HSD17B12: variants seen among roughly 807,000 people sequenced by gnomAD.
HSD17B12 encodes the protein hydroxysteroid 17-beta dehydrogenase 12, also known as very-long-chain 3-oxoacyl-CoA reductase.
In HSD17B12, 32 loss-of-function variants were observed where a neutral mutation model predicts 39.3. The ratio of observed to expected loss-of-function variants is 0.81; its 90% CI spans 0.61 to 1.09. The LOEUF (loss-of-function observed/expected upper bound fraction) is 1.09, where lower values mean the gene tolerates loss of function less well. HSD17B12 is among the 50% of genes least tolerant of loss of function. HSD17B12 has a pLI of 0.00. For missense variants in HSD17B12, 342 were observed against 382.9 expected (o/e 0.89, Z 0.89); for synonymous variants, 150 against 146.7 (o/e 1.02, Z -0.16).
the HSD17B12 span, among the ~76,000 whole-genome samples, chr11:43,650,074 A>G: frequency 3.9e-5 from 6 of 152,160 alleles, no homozygotes; most frequent in Admixed American, 3.9e-4. Context: ...GCCCCATAAA[A>G]TCATGAGCCA....
chr11:43,757,182 A>G (rs1259573820), intron 3 of HSD17B12, among the ~76,000 whole-genome samples: 1 of 152,220 alleles, frequency 6.6e-6, no homozygotes, highest in Non-Finnish European at 1.5e-5. Context: ...TAATATTGTC[A>G]AAGACAGACT....
At position 43,815,400 on chromosome 11, in the gene HSD17B12, CAT is replaced by C. The variant is rs746631874; in HGVS notation, c.392-34_392-33del. On this transcript the variant is annotated intron_variant, in intron 4 of 10. Transcript: ENST00000278353. ...TATTTTAACAAATCTTTAAAATATG[CAT>C]ATGTTACTCAGCTAATCATCTTGTT... is the stretch of plus-strand genomic sequence containing the variant. 6.1e-6 allele frequency: 7 copies of C among 1,149,172 alleles called. No homozygotes were observed. In the South Asian group the frequency reaches 1.1e-4, roughly 18 times the overall value. 71.2% of individuals were successfully genotyped at this position (1,149,172 alleles called of 1,614,324 possible).
chr11:43,697,140 C>T (rs1211337979), intron 1 of HSD17B12, among the ~76,000 whole-genome samples: 2 of 152,170 alleles, frequency 1.3e-5, no homozygotes, highest in Non-Finnish European at 2.9e-5. Flanking sequence ...ATGTAAGAAA[C>T]TTTCACATTC....
At chr11:43,837,198 A>C (rs779446133) in intron 7 of HSD17B12, among the ~76,000 whole-genome samples, 1 of 152,192 alleles carries the variant, frequency 6.6e-6, no homozygotes, top group African/African-American at 2.4e-5. Context: ...TATGCCTAAA[A>C]TAACTTAAAT....
At chr11:43,789,932 A>G (rs67994018) in intron 3 of HSD17B12, among the ~76,000 whole-genome samples, 17,097 of 152,096 alleles carry the variant, frequency 0.11, 1,477 homozygotes, top group African/African-American at 0.24. Context: ...ACCCTGTCCC[A>G]CTGCCCACTG....
chr11:43,719,849 CA>C (rs1344426326), intron 1 of HSD17B12, among the ~76,000 whole-genome samples: 1 of 152,076 alleles, frequency 6.6e-6, no homozygotes, highest in Non-Finnish European at 1.5e-5. Flanking sequence ...TTATTTCTCC[CA>C]TTTTGAACTG....
At chr11:43,738,791 T>C (rs964259826) in intron 1 of HSD17B12, among the ~76,000 whole-genome samples, 3 of 152,224 alleles carry the variant, frequency 2.0e-5, no homozygotes, top group African/African-American at 7.2e-5. Flanking sequence ...ATGATGATAT[T>C]GTCCAAAGGA....
chr11:43,633,999 G>A, the HSD17B12 span, among the ~76,000 whole-genome samples: 4 of 145,148 alleles, frequency 2.8e-5, no homozygotes, highest in Non-Finnish European at 6.0e-5. Context: ...GCTTGAACCC[G>A]GGAGGCGGAG....
chr11:43,686,466 A>C (rs1393098493), intron 1 of HSD17B12, among the ~76,000 whole-genome samples: 1 of 152,158 alleles, frequency 6.6e-6, no homozygotes, highest in South Asian at 2.1e-4. Flanking sequence ...ACCTAAAAGC[A>C]TACCTTTATT....
chr11:43,558,016 T>C, the HSD17B12 span, among the ~76,000 whole-genome samples: 1 of 152,100 alleles, frequency 6.6e-6, no homozygotes, highest in African/African-American at 2.4e-5. Flanking sequence ...GTTTTTCCGT[T>C]GGGTTCTGGT....
At chr11:43,612,262 A>T in the HSD17B12 span, among the ~76,000 whole-genome samples, 1 of 152,218 alleles carries the variant, frequency 6.6e-6, no homozygotes, top group Admixed American at 6.5e-5. Flanking sequence ...TTTTATAATT[A>T]TGAGCCCTTC....
At chr11:43,673,498 T>TC in the HSD17B12 span, 1 of 148,102 alleles carries the variant, frequency 6.8e-6, no homozygotes, top group Non-Finnish European at 1.4e-5. Context: ...TTTTCTTTTT[T>TC]TTTTTTTTTT....
intron 3 of HSD17B12, among the ~76,000 whole-genome samples, chr11:43,793,696 G>A (rs1400584188): frequency 1.3e-5 from 2 of 152,146 alleles, no homozygotes; most frequent in Admixed American, 6.5e-5. Flanking sequence ...AGCATCTTGA[G>A]ACTATTTGAG....
At chr11:43,645,499 T>A in the HSD17B12 span, 1 of 152,346 alleles carries the variant, frequency 6.6e-6, no homozygotes, top group Non-Finnish European at 1.5e-5. Flanking sequence ...TATCAAGTTT[T>A]AGTTTTAGGG....
chr11:43,680,669 T>G (rs1949733310), upstream of HSD17B12: 1 of 687,126 alleles, frequency 1.5e-6, no homozygotes, highest in South Asian at 1.7e-5. Flanking sequence ...GGGTCACCAA[T>G]AGCGACACGG....
intron 1 of HSD17B12, among the ~76,000 whole-genome samples, chr11:43,703,776 T>C (rs979794646): frequency 2.0e-5 from 3 of 152,164 alleles, no homozygotes; most frequent in South Asian, 2.1e-4. Context: ...TCCTTTATCA[T>C]TTTTTATTTG....
chr11:43,721,280 C>T (rs11037579), intron 1 of HSD17B12, among the ~76,000 whole-genome samples: 75,100 of 151,734 alleles, frequency 0.49, 19,025 homozygotes, highest in Non-Finnish European at 0.53. Context: ...GAAGACATGA[C>T]GTTGAGTGGC....
At chr11:43,560,788 C>T in the HSD17B12 span, among the ~76,000 whole-genome samples, 1 of 152,158 alleles carries the variant, frequency 6.6e-6, no homozygotes, top group Non-Finnish European at 1.5e-5. Flanking sequence ...TCTTCTGAGC[C>T]AAGGGCCCTG....
chr11:43,618,071 G>A, the HSD17B12 span, among the ~76,000 whole-genome samples: 7 of 152,236 alleles, frequency 4.6e-5, no homozygotes, highest in African/African-American at 9.6e-5. Flanking sequence ...GCCTATTATA[G>A]AACAAAAAAC....
Sources: gnomAD v4.1 joint callset for allele counts (sites outside exome capture counted in the v4.1 genomes callset) on GRCh38, gnomAD v4.1.1 for gene constraint, MANE v1.5 for transcripts, NCBI Gene and HGNC (gene_info 2026-07-23, HGNC 2026-07-21) for gene names.